SEMA4B: variants seen among roughly 807,000 people sequenced by gnomAD.
SEMA4B encodes semaphorin-4B.
Under a neutral mutation model 88.1 loss-of-function variants are expected in SEMA4B, and 55 were observed. The observed-to-expected ratio is 0.62, with a 90% CI of 0.50 to 0.78. The LOEUF is 0.78. SEMA4B is among the 30% of genes least tolerant of loss of function. The probability of loss-of-function intolerance (pLI) is 0.00; values close to 1 mark genes in which losing one functional copy is unlikely to be tolerated. For synonymous variants in SEMA4B, 525 were observed against 473.6 expected, an observed-to-expected ratio of 1.11 and a Z score of -1.41; for missense variants, 1,062 against 1,111.9, an observed-to-expected ratio of 0.96 and a Z score of 0.64.
In SEMA4B at chr15:90,228,448, C is replaced by T. The variant is rs200648029; in HGVS notation, c.2319C>T (p.Asn773=). The change falls in exon 14 of 14, where the codon AAC becomes AAT. Residue 773 remains asparagine (N), a synonymous_variant. Transcript: ENST00000411539. Reference sequence around the variant, plus strand: ...TGCCCCCTGAGACCCGCCCACTCAACGGCCTAGGGCCCCCTAGCACCCCGC... The same window carrying T: ...TGCCCCCTGAGACCCGCCCACTCAATGGCCTAGGGCCCCCTAGCACCCCGC... The part of the protein sequence containing the change: ...VVLPPETRPL[N]GLGPPSTPLD... The T allele has an allele frequency of 3.0e-4, 481 of 1,610,618 alleles. 1 individual carries two copies. The African/African-American group carries it at 4.2e-3, about 14-fold the overall frequency.
At chr15:90,196,974 T>C (rs1960529149), upstream of SEMA4B, among the ~76,000 whole-genome samples, 1 of 152,230 alleles carries the variant, frequency 6.6e-6, no homozygotes, top group Non-Finnish European at 1.5e-5. Flanking sequence ...CCTTTGGACA[T>C]GGCCTCATTA....
intron 1 of SEMA4B, among the ~76,000 whole-genome samples, chr15:90,186,533 C>T (rs965529718): frequency 3.3e-5 from 5 of 151,968 alleles, no homozygotes; most frequent in Non-Finnish European, 5.9e-5. Flanking sequence ...GCAGGAGAAT[C>T]GCTTGAATCT....
rs1338381611 is a variant in SEMA4B at position 90,221,415 on chromosome 15, C to T, written c.644C>T (p.Pro215Leu). Residue 215 changes from proline to leucine, a missense_variant, in exon 6 of 14, where the codon CCG becomes CTG. By Grantham distance (98) the Pro-to-Leu change is moderately conservative (BLOSUM62 -3). Coordinates refer to ENST00000411539, the MANE Select transcript of SEMA4B (RefSeq NM_198925.4). ...GTCAGCAGCTTCCAAGGGAATGACC[C>T]GGCCATCTCGCGGAGCCAAAGCCTT... is the stretch of plus-strand genomic sequence containing the variant. The part of the protein sequence containing the change: ...GTVSSFQGND[P>L]AISRSQSLRP... 9.5e-6 allele frequency: 15 copies of T among 1,580,410 alleles called. No homozygotes were observed. Among genetic ancestry groups the T allele is most frequent in the Non-Finnish European group, 1.3e-5 (15 of 1,164,076 alleles).
chr15:90,223,519 A>G (rs2151623627), intron 7 of SEMA4B, 40 bp from the exon 8 acceptor site: 2 of 1,512,928 alleles, frequency 1.3e-6, no homozygotes, highest in Admixed American at 2.1e-5. Context: ...GTCATGGCTC[A>G]GCATGTGCCT....
chr15:90,195,918 A>G (rs376651867), intron 1 of SEMA4B, among the ~76,000 whole-genome samples: 2 of 92,118 alleles, frequency 2.2e-5, no homozygotes, highest in African/African-American at 5.9e-5. Flanking sequence ...CCTGTTTTGT[A>G]CTTCTCTTTT....
In SEMA4B at chr15:90,227,387, A is replaced by T. The variant is rs534690419; in HGVS notation, c.1689-170A>T. ...TGTTTATGTAATTAAGGGAAGTGTT[A>T]TCTTAGCTTTGACTTGAAATAATGT... On this transcript the variant is annotated intron_variant, in intron 12 of 13. Transcript: ENST00000411539. 1.3e-5 allele frequency: 8 copies of T among 606,990 alleles called. No individual in the cohort carries two copies. The African/African-American group carries it at 1.5e-4, about 11-fold the overall frequency. The allele number at this position is 606,990 out of a possible 1,614,324, so 37.6% of individuals were successfully genotyped here.
intron 1 of SEMA4B, among the ~76,000 whole-genome samples, chr15:90,194,362 G>A (rs929521170): frequency 6.6e-6 from 1 of 151,614 alleles, no homozygotes; most frequent in Non-Finnish European, 1.5e-5. Flanking sequence ...GTGAAACCTC[G>A]TCTCTACTAA....
Position 90,212,928 on chromosome 15 carries a change from C to T in SEMA4B, c.158-4511C>T, listed in dbSNP as rs1180823376. 6.6e-6 allele frequency among the ~76,000 whole-genome samples: 1 copy of T among 152,166 alleles called. No homozygotes were observed. Among genetic ancestry groups the T allele is most frequent in the East Asian group, 1.9e-4 (1 of 5,202 alleles). Reference sequence around the variant, plus strand: ...TCGTGAACCCCCTGGATGAGGGAGGCCCGACTCCCGCAAGGAGCCCTGCCC... The same window carrying T: ...TCGTGAACCCCCTGGATGAGGGAGGTCCGACTCCCGCAAGGAGCCCTGCCC... On this transcript the variant is annotated intron_variant, in intron 1 of 13. Coordinates refer to ENST00000411539, the MANE Select transcript of SEMA4B (RefSeq NM_198925.4). The surrounding 1 kb of genome is among the most constrained non-coding windows in gnomAD (Gnocchi z 4.0).
At chr15:90,209,245 C>G (rs941531287) in intron 1 of SEMA4B, among the ~76,000 whole-genome samples, 1 of 152,056 alleles carries the variant, frequency 6.6e-6, no homozygotes, top group Middle Eastern at 3.2e-3. Context: ...ATGCTGTCAG[C>G]TTGGTGGAAA....
intron 1 of SEMA4B, among the ~76,000 whole-genome samples, chr15:90,189,113 G>C (rs1332462019): frequency 6.6e-6 from 1 of 151,998 alleles, no homozygotes; most frequent in African/African-American, 2.4e-5. Context: ...ATGAATGAAA[G>C]AAGGAAGTGG....
intron 1 of SEMA4B, among the ~76,000 whole-genome samples, chr15:90,214,733 T>C (rs1961447309): frequency 6.6e-6 from 1 of 152,134 alleles, no homozygotes; most frequent in Non-Finnish European, 1.5e-5. Context: ...TTCCCATTTT[T>C]CTTTGGCCAC....
chr15:90,193,822 T>C (rs1206380609), intron 1 of SEMA4B, among the ~76,000 whole-genome samples: 1 of 152,062 alleles, frequency 6.6e-6, no homozygotes, highest in East Asian at 1.9e-4. Context: ...ACAAGATTTC[T>C]TGCAATCTTT....
intron 1 of SEMA4B, 112 bp from the exon 2 acceptor site, chr15:90,217,327 A>C: frequency 8.9e-7 from 1 of 1,123,856 alleles, no homozygotes; most frequent in Non-Finnish European, 1.3e-6. Context: ...TGCCATTGCC[A>C]CCCTTTGCCT....
At position 90,224,978 on chromosome 15, in the gene SEMA4B, A is replaced by G; in HGVS notation, c.1205A>G (p.Asn402Ser). The change falls in exon 10 of 14, where the codon AAC (asparagine) becomes AGC (serine). Residue 402 changes from asparagine (N) to serine (S), a missense_variant. Physicochemically the swap from Asn to Ser is conservative, Grantham distance 46. Transcript: ENST00000411539. ...PTPRPGACIT[N>S]SARERKINSS... The stretch of plus-strand genomic sequence containing the variant: ...TGCTTTCTCCTCCAGTGCATCACCA[A>G]CAGTGCCCGGGAAAGGAAGATCAAC... The G allele has an allele frequency of 1.9e-6, 3 of 1,613,820 alleles. No homozygotes were observed. Among genetic ancestry groups the G allele is most frequent in the Non-Finnish European group, 1.7e-6 (2 of 1,179,806 alleles).
chr15:90,208,646 A>G (rs532445365), intron 1 of SEMA4B, among the ~76,000 whole-genome samples: 1 of 152,318 alleles, frequency 6.6e-6, no homozygotes, highest in South Asian at 2.1e-4. Flanking sequence ...GGATTCACAC[A>G]CATGTCTTGT....
chr15:90,196,844 A>AT (rs1960525508), upstream of SEMA4B, among the ~76,000 whole-genome samples: 1 of 151,604 alleles, frequency 6.6e-6, no homozygotes, highest in Non-Finnish European at 1.5e-5. Flanking sequence ...TTCACCCCTT[A>AT]TTTTTTCTCT....
intron 12 of SEMA4B, among the ~76,000 whole-genome samples, chr15:90,227,022 T>C (rs546513342): frequency 1.3e-5 from 2 of 152,334 alleles, no homozygotes; most frequent in Admixed American, 1.3e-4. Flanking sequence ...CCTTCTAATC[T>C]TTTTCTGAGG....
rs761016200 is a variant in SEMA4B at position 90,224,982 on chromosome 15, T to C, written c.1209T>C (p.Ser403=). The part of the protein sequence containing the change: ...TPRPGACITN[S]ARERKINSSL... ...TTCTCCTCCAGTGCATCACCAACAG[T>C]GCCCGGGAAAGGAAGATCAACTCAT... The change falls in exon 10 of 14, where the codon AGT becomes AGC. Residue 403 remains serine (S), a synonymous_variant. Coordinates refer to ENST00000411539, the MANE Select transcript of SEMA4B (RefSeq NM_198925.4). 1.9e-6 allele frequency: 3 copies of C among 1,613,864 alleles called. No individual in the cohort carries two copies. The highest frequency in any genetic ancestry group is 2.2e-5 in the South Asian group (2 of 91,086).
At chr15:90,201,205 G>T, upstream of SEMA4B, 1 of 557,954 alleles carries the variant, frequency 1.8e-6, no homozygotes, top group African/African-American at 2.0e-5. Context: ...TCCCGGGCTT[G>T]GCCCCTGCGG....
Sources: allele counts gnomAD v4.1 joint callset (sites outside exome capture counted in the v4.1 genomes callset), GRCh38; gene constraint gnomAD v4.1.1; non-coding constraint Gnocchi (gnomAD v3.1); transcripts MANE v1.5; gene names NCBI Gene and HGNC (gene_info 2026-07-23, HGNC 2026-07-21).